The following PLEKHA5 variants were observed in gnomAD, a reference collection of about 807,000 sequenced individuals.
PLEKHA5 encodes pleckstrin homology domain-containing family A member 5.
A neutral mutation model predicts 181.9 loss-of-function variants in PLEKHA5; 55 were observed. The ratio of observed to expected loss-of-function variants is 0.30; its 90% CI spans 0.24 to 0.38. The LOEUF is 0.38. Ranked by LOEUF, PLEKHA5 falls within the 10% of genes least tolerant of loss-of-function variation. The pLI is 1.00. For missense variants in PLEKHA5, 1,432 were observed against 1,549.5 expected (o/e 0.92, Z 1.27); for synonymous variants, 535 against 529.4 (o/e 1.01, Z -0.15).
intron 22 of PLEKHA5, among the ~76,000 whole-genome samples, chr12:19,344,593 T>C (rs1275835538): frequency 6.6e-6 from 1 of 152,224 alleles, no homozygotes; most frequent in Non-Finnish European, 1.5e-5. Flanking sequence ...TAGTACTTAA[T>C]GGATTTTAAA....
At chr12:19,190,765 A>G (rs2050917193) in intron 3 of PLEKHA5, among the ~76,000 whole-genome samples, 1 of 152,206 alleles carries the variant, frequency 6.6e-6, no homozygotes, top group African/African-American at 2.4e-5. Context: ...GGGTTGTCCC[A>G]AAGGAGAAGA....
intron 3 of PLEKHA5, among the ~76,000 whole-genome samples, chr12:19,159,546 A>C (rs912562824): frequency 4.6e-5 from 7 of 152,110 alleles, no homozygotes; most frequent in African/African-American, 1.7e-4. Context: ...CTGTTCTGTT[A>C]TTCTGTTTAT....
At chr12:19,261,103 T>TCTGA in intron 7 of PLEKHA5, 82 bp downstream of exon 7, 1 of 682,154 alleles carries the variant, frequency 1.5e-6, no homozygotes, top group Non-Finnish European at 2.5e-6. Flanking sequence ...TTAAAAAGTA[T>TCTGA]TGTAACTCTG....
At position 19,347,160 on chromosome 12, in the gene PLEKHA5, A is replaced by G. The variant is rs2094374319; in HGVS notation, c.2876A>G (p.Tyr959Cys). The stretch of plus-strand genomic sequence containing the variant: ...AAGAAGATGTATCAAGTTCAAGGAT[A>G]TCCAAGAAATGGATCTCACTGTGTA... ...EEKKMYQVQG[Y>C]PRNGSHCGPD... Residue 959 changes from tyrosine to cysteine, a missense_variant, in exon 24 of 32, where the codon TAT becomes TGT. Around this residue, in one of 2 missense-constraint regions of PLEKHA5, gnomAD observed 1,143 missense variants for 1,168.4 expected, o/e 0.98. Transcript: ENST00000429027. 3 of 1,546,584 alleles carry G rather than the reference A, an allele frequency of 1.9e-6. No homozygotes were observed. Among genetic ancestry groups the G allele is most frequent in the African/African-American group, 1.4e-5 (1 of 72,974 alleles).
At position 19,320,644 on chromosome 12, in the gene PLEKHA5, AT is replaced by A; in HGVS notation, c.2217+21del. 8.6e-7 allele frequency: 1 copy of A among 1,158,406 alleles called. No homozygotes were observed. Among genetic ancestry groups the A allele is most frequent in the Non-Finnish European group, 1.3e-6 (1 of 786,092 alleles). The allele number at this position is 1,158,406 out of a possible 1,614,324, so 71.8% of individuals were successfully genotyped here. A position where few individuals can be genotyped will look rare whatever the true frequency, so the allele number is the denominator to read the frequency against. On this transcript the variant is annotated intron_variant, in intron 18 of 31. Transcript: ENST00000429027. The stretch of plus-strand genomic sequence containing the variant: ...ATTGATGTAAGTATTAGTATGATAT[AT>A]GTGGTCAGTACTCTGTCGTATTCTC...
intron 3 of PLEKHA5, among the ~76,000 whole-genome samples, chr12:19,157,696 A>G (rs1398751260): frequency 2.0e-5 from 3 of 152,168 alleles, no homozygotes; most frequent in Non-Finnish European, 2.9e-5. Flanking sequence ...GTCACTGTGC[A>G]ACCATTTAAT....
chr12:19,190,428 G>C (rs947750045), intron 3 of PLEKHA5, among the ~76,000 whole-genome samples: 3 of 152,202 alleles, frequency 2.0e-5, no homozygotes, highest in African/African-American at 4.8e-5. Context: ...CTGCAAGAGA[G>C]AAGGCTGAGA....
intron 3 of PLEKHA5, among the ~76,000 whole-genome samples, chr12:19,164,191 G>A (rs1401611420): frequency 8.4e-6 from 1 of 119,212 alleles, no homozygotes; most frequent in East Asian, 2.9e-4. Context: ...CTCTCCAGAT[G>A]TTTTTGTTTT....
chr12:19,358,312 A>G lies in PLEKHA5; in HGVS notation c.3223A>G (p.Ile1075Val), dbSNP rs752870998. The G allele has an allele frequency of 6.2e-7, 1 of 1,613,986 alleles. No homozygotes were observed. Among genetic ancestry groups the G allele is most frequent in the Non-Finnish European group, 8.5e-7 (1 of 1,179,866 alleles). The stretch of plus-strand genomic sequence containing the variant: ...GACTGTGGAAGAGCAAATGGAAAGA[A>G]TAAGAAGACATCAACAAGCGTGCCT... Reference protein sequence around the residue: ...RMTVEEQMERIRRHQQACLRE... With the variant: ...RMTVEEQMERVRRHQQACLRE... The change falls in exon 27 of 32, where the codon ATA becomes GTA. Residue 1075 changes from isoleucine (I) to valine (V), a missense_variant. Physicochemically the swap from Ile to Val is conservative, Grantham distance 29. Transcript: ENST00000429027.
chr12:19,174,808 G>T (rs1285420919), intron 3 of PLEKHA5, among the ~76,000 whole-genome samples: 1 of 152,108 alleles, frequency 6.6e-6, no homozygotes, highest in Non-Finnish European at 1.5e-5. Context: ...ATAGATTTAT[G>T]TATGTAAACA....
At chr12:19,298,661 G>A (rs1464081302) in intron 15 of PLEKHA5, among the ~76,000 whole-genome samples, 4 of 151,844 alleles carry the variant, frequency 2.6e-5, no homozygotes, top group Admixed American at 6.6e-5. Flanking sequence ...AAGCCACCGC[G>A]CCTGGCCCAA....
intron 3 of PLEKHA5, among the ~76,000 whole-genome samples, chr12:19,198,411 G>A (rs553477775): frequency 1.6e-4 from 25 of 152,256 alleles, no homozygotes; most frequent in Admixed American, 1.6e-3. Flanking sequence ...GTGACATTAA[G>A]TCAGTGCTTA....
intron 29 of PLEKHA5, 59 bp from the exon 30 acceptor site, chr12:19,365,905 A>G: frequency 8.1e-7 from 1 of 1,238,862 alleles, no homozygotes; most frequent in Non-Finnish European, 1.1e-6. Flanking sequence ...AACAAAAAAA[A>G]GAAAAATTAA....
intron 11 of PLEKHA5, among the ~76,000 whole-genome samples, chr12:19,276,406 T>G (rs2074513695): frequency 6.6e-6 from 1 of 152,226 alleles, no homozygotes; most frequent in African/African-American, 2.4e-5. Flanking sequence ...AGATTAAGTT[T>G]GGTGCCGGGC....
At chr12:19,367,067 AG>A (rs889444299) in intron 30 of PLEKHA5, among the ~76,000 whole-genome samples, 1 of 151,612 alleles carries the variant, frequency 6.6e-6, no homozygotes. Flanking sequence ...TTGTATTTGT[AG>A]TACAGATGGG....
In PLEKHA5 at chr12:19,209,762, G is replaced by A. The variant is rs573228877; in HGVS notation, c.228-44178G>A. 3.9e-5 allele frequency among the ~76,000 whole-genome samples: 6 copies of A among 152,310 alleles called. No homozygotes were observed. In the South Asian group the frequency reaches 1.2e-3, roughly 32 times the overall value. ...GGCCAAGACCAAAGATCACAGCAAC[G>A]ATTTTGAAAGATGCTCAAGGCATTT... On this transcript the variant is annotated intron_variant, in intron 3 of 31. Coordinates refer to ENST00000429027, the MANE Select transcript of PLEKHA5 (RefSeq NM_001256470.2).
chr12:19,208,701 AAG>A (rs1398961667), intron 3 of PLEKHA5, among the ~76,000 whole-genome samples: 2 of 152,172 alleles, frequency 1.3e-5, no homozygotes, highest in Non-Finnish European at 2.9e-5. Flanking sequence ...TTATTCTAAA[AAG>A]AGAGGATACA....
At chr12:19,327,247 G>GTTTTTTTTTTTTT (rs55983306) in intron 20 of PLEKHA5, among the ~76,000 whole-genome samples, 4 of 138,544 alleles carry the variant, frequency 2.9e-5, no homozygotes, top group Non-Finnish European at 4.6e-5. Flanking sequence ...ATCTGTTTTT[G>GTTTTTTTTTTTTT]TTTTTTTTTT....
At chr12:19,298,619 T>G (rs1049752271) in intron 15 of PLEKHA5, among the ~76,000 whole-genome samples, 4 of 151,924 alleles carry the variant, frequency 2.6e-5, no homozygotes, top group Non-Finnish European at 5.9e-5. Flanking sequence ...TCCACCCGCC[T>G]CAGCCTCCCA....
Sources: allele counts gnomAD v4.1 joint callset (sites outside exome capture counted in the v4.1 genomes callset), GRCh38; gene constraint gnomAD v4.1.1; regional missense constraint gnomAD v4.1.1; transcripts MANE v1.5; gene names NCBI Gene and HGNC (gene_info 2026-07-23, HGNC 2026-07-21).